PTPRD: variants seen among roughly 807,000 people sequenced by gnomAD.
PTPRD encodes the protein protein tyrosine phosphatase receptor type D, also known as receptor-type tyrosine-protein phosphatase delta.
Under a neutral mutation model 214.5 loss-of-function variants are expected in PTPRD, and 34 were observed. The observed-to-expected ratio is 0.16, with a 90% confidence interval of 0.12 to 0.21. PTPRD has a LOEUF of 0.21. Ranked by LOEUF, PTPRD falls within the 10% of genes least tolerant of loss-of-function variation. The probability of loss-of-function intolerance (pLI) is 1.00; values close to 1 mark genes in which losing one functional copy is unlikely to be tolerated. For missense variants in PTPRD, 2,545 were observed against 2,398.7 expected (o/e 1.06, Z -1.27); for synonymous variants, 1,128 against 845.7 (o/e 1.33, Z -5.79).
intron 32 of PTPRD, among the ~76,000 whole-genome samples, chr9:8,464,328 G>C (rs1288528877): frequency 6.6e-6 from 1 of 151,968 alleles, no homozygotes; most frequent in Non-Finnish European, 1.5e-5. Flanking sequence ...CCATTCCCTT[G>C]ATGTTCTGCC....
intron 10 of PTPRD, among the ~76,000 whole-genome samples, chr9:9,177,596 G>A (rs534421062): frequency 3.9e-5 from 6 of 152,088 alleles, no homozygotes; most frequent in Non-Finnish European, 8.8e-5. Context: ...TATGTCTAAT[G>A]CTTGATTAAT....
chr9:8,464,868 C>T (rs1005861481), intron 32 of PTPRD, among the ~76,000 whole-genome samples: 6 of 151,854 alleles, frequency 4.0e-5, no homozygotes, highest in Non-Finnish European at 7.4e-5. Flanking sequence ...TTCACTGATA[C>T]AGTCACTCAT....
intron 11 of PTPRD, among the ~76,000 whole-genome samples, chr9:8,928,186 T>C (rs148321315): frequency 2.0e-4 from 31 of 152,332 alleles, no homozygotes; most frequent in Admixed American, 2.0e-3. Flanking sequence ...TCTTTTGCTG[T>C]TCAGAAGCTC....
At chr9:8,988,157 T>C (rs1452779957) in intron 11 of PTPRD, among the ~76,000 whole-genome samples, 1 of 152,022 alleles carries the variant, frequency 6.6e-6, no homozygotes, top group Non-Finnish European at 1.5e-5. Context: ...GTTCATATTA[T>C]AAAATAAAAA....
chr9:9,535,742 A>C (rs2076381491), intron 8 of PTPRD, among the ~76,000 whole-genome samples: 1 of 152,036 alleles, frequency 6.6e-6, no homozygotes, highest in Admixed American at 6.6e-5. Context: ...TTACAGAAAA[A>C]CATTTTCAGA....
chr9:9,713,158 G>C (rs10481630), intron 7 of PTPRD, among the ~76,000 whole-genome samples: 44,720 of 152,088 alleles, frequency 0.29, 7,496 homozygotes, highest in Admixed American at 0.44. Flanking sequence ...AATAATCACA[G>C]TCTTGCAGCT....
chr9:9,971,949 T>C (rs866334798), intron 4 of PTPRD, among the ~76,000 whole-genome samples: 1 of 152,180 alleles, frequency 6.6e-6, no homozygotes, highest in African/African-American at 2.4e-5. Context: ...ACTTCAGCTT[T>C]AGTGACAAAA....
chr9:10,099,780 A>G (rs1591165276), intron 3 of PTPRD, among the ~76,000 whole-genome samples: 1 of 151,652 alleles, frequency 6.6e-6, no homozygotes, highest in South Asian at 2.1e-4. Context: ...TAAAGATTCA[A>G]GTTTACTAAA....
chr9:8,540,191 A>G (rs2078045133), intron 14 of PTPRD, among the ~76,000 whole-genome samples: 1 of 152,154 alleles, frequency 6.6e-6, no homozygotes, highest in Non-Finnish European at 1.5e-5. Flanking sequence ...ATTAATTCAT[A>G]TTATCAGAAA....
intron 10 of PTPRD, among the ~76,000 whole-genome samples, chr9:9,095,246 T>C (rs894456893): frequency 3.3e-5 from 5 of 152,154 alleles, no homozygotes; most frequent in African/African-American, 1.2e-4. Context: ...CTGCAAGTCT[T>C]AGCTTGTATA....
intron 7 of PTPRD, among the ~76,000 whole-genome samples, chr9:9,659,649 C>A (rs1486082189): frequency 6.6e-6 from 1 of 151,950 alleles, no homozygotes; most frequent in African/African-American, 2.4e-5. Flanking sequence ...ACAGCTAGAG[C>A]TTCAGCTGTC....
intron 12 of PTPRD, among the ~76,000 whole-genome samples, chr9:8,733,455 C>T (rs1469765670): frequency 6.6e-6 from 1 of 152,060 alleles, no homozygotes; most frequent in Admixed American, 6.6e-5. Flanking sequence ...CTTATTGGCA[C>T]CACCAACTGG....
At chr9:9,487,731 C>T (rs1424540116) in intron 8 of PTPRD, among the ~76,000 whole-genome samples, 1 of 152,144 alleles carries the variant, frequency 6.6e-6, no homozygotes. Context: ...TGTTCCTCAA[C>T]TGCTCTTGAT....
At chr9:10,193,920 C>G (rs948731047) in intron 3 of PTPRD, among the ~76,000 whole-genome samples, 1 of 152,094 alleles carries the variant, frequency 6.6e-6, no homozygotes, top group South Asian at 2.1e-4. Flanking sequence ...CTCCGAAACA[C>G]GTTCCATTAT....
At chr9:9,601,755 G>A (rs1345023509) in intron 7 of PTPRD, among the ~76,000 whole-genome samples, 1 of 151,986 alleles carries the variant, frequency 6.6e-6, no homozygotes, top group African/African-American at 2.4e-5. Flanking sequence ...TCATTGTTCT[G>A]GTGGAAACTA....
chr9:9,015,794 T>C (rs2099532354), intron 11 of PTPRD, among the ~76,000 whole-genome samples: 2 of 152,156 alleles, frequency 1.3e-5, no homozygotes, highest in South Asian at 4.1e-4. Context: ...CTGTTCAATG[T>C]ACATTTGGAT....
chr9:8,650,708 G>A (rs187891144), intron 12 of PTPRD, among the ~76,000 whole-genome samples: 1 of 152,080 alleles, frequency 6.6e-6, no homozygotes, highest in Admixed American at 6.5e-5. Context: ...CCCTGACAGA[G>A]ATCATATTCT....
intron 11 of PTPRD, among the ~76,000 whole-genome samples, chr9:8,847,766 A>C (rs2097727425): frequency 6.6e-6 from 1 of 152,208 alleles, no homozygotes; most frequent in Non-Finnish European, 1.5e-5. Context: ...TGGAAAAAAT[A>C]ATCAAATCAT....
chr9:9,185,932 T>C (rs932519267), intron 9 of PTPRD, among the ~76,000 whole-genome samples: 1 of 151,694 alleles, frequency 6.6e-6, no homozygotes, highest in Non-Finnish European at 1.5e-5. Flanking sequence ...AGTACAAATA[T>C]CAGTCTAGTT....
Sources: allele counts gnomAD v4.1 joint callset (sites outside exome capture counted in the v4.1 genomes callset), GRCh38; gene constraint gnomAD v4.1.1; transcripts MANE v1.5; gene names NCBI Gene and HGNC (gene_info 2026-07-23, HGNC 2026-07-21).